TTC28: variants seen among roughly 807,000 people sequenced by gnomAD.
TTC28 encodes tetratricopeptide repeat domain 28.
A neutral mutation model predicts 198.0 loss-of-function variants in TTC28; 61 were observed. That is an observed-to-expected ratio of 0.31 (90% CI 0.25 to 0.38). TTC28 has a LOEUF of 0.38. Among genes scored for constraint, TTC28 ranks in the 10% least tolerant of loss-of-function variants. TTC28 has a pLI of 1.00. For synonymous variants in TTC28, 1,171 were observed against 1,297.8 expected, an observed-to-expected ratio of 0.90 and a Z score of 2.10; for missense variants, 2,678 against 3,164.0, an observed-to-expected ratio of 0.85 and a Z score of 3.69.
chr22:28,028,520 G>C (rs1938931913), intron 13 of TTC28, among the ~76,000 whole-genome samples: 1 of 152,164 alleles, frequency 6.6e-6, no homozygotes, highest in African/African-American at 2.4e-5. Flanking sequence ...GGTCCTGGGG[G>C]AACTGGTTCC....
chr22:28,301,688 G>A lies in TTC28; in HGVS notation c.530-3836C>T, dbSNP rs143847525. 1.4e-3 allele frequency among the ~76,000 whole-genome samples: 210 copies of A among 152,108 alleles called. 1 individual carries two copies. In the East Asian group the frequency reaches 0.017, roughly 12 times the overall value. ...TAAAGGGGCCTAAAAGAGCTCTTTC[G>A]GAAAACATAAAATAAAAATATGTGT... On this transcript the variant is annotated intron_variant, in intron 3 of 22. Coordinates refer to ENST00000397906, the MANE Select transcript of TTC28 (RefSeq NM_001145418.2).
chr22:28,524,594 G>A (rs903824199), intron 2 of TTC28, among the ~76,000 whole-genome samples: 8 of 151,984 alleles, frequency 5.3e-5, no homozygotes, highest in African/African-American at 1.9e-4. Context: ...TTGGCGAAAT[G>A]GTGAAAACCT....
chr22:28,288,135 C>A (rs1002691440), intron 5 of TTC28, among the ~76,000 whole-genome samples: 2 of 152,108 alleles, frequency 1.3e-5, no homozygotes, highest in African/African-American at 2.4e-5. Context: ...AAGGCACTAT[C>A]CCCATCAAGC....
intron 2 of TTC28, among the ~76,000 whole-genome samples, chr22:28,403,757 G>A (rs1350454535): frequency 1.3e-5 from 2 of 152,178 alleles, no homozygotes; most frequent in Non-Finnish European, 2.9e-5. Context: ...AGAGGCTATA[G>A]GAGAGTATTA....
Position 27,983,386 on chromosome 22 carries a change from CTCA to C in TTC28, c.6278_6280del (p.Met2093del). 1 of 1,551,290 alleles carries C rather than the reference CTCA, an allele frequency of 6.4e-7. No homozygotes were observed. Among genetic ancestry groups the C allele is most frequent in the South Asian group, 1.2e-5 (1 of 84,034 alleles). ...GCTCCCTTTGGAGCTCACCGAGACT[CTCA>C]TGCCTCCGGCTGTCCCAGGTTGGGG... is the stretch of plus-strand genomic sequence containing the variant. On this transcript the variant is annotated inframe_deletion, in exon 23 of 23. Coordinates refer to ENST00000397906, the MANE Select transcript of TTC28 (RefSeq NM_001145418.2).
At chr22:28,554,644 G>T (rs1472268059) in intron 2 of TTC28, among the ~76,000 whole-genome samples, 1 of 152,184 alleles carries the variant, frequency 6.6e-6, no homozygotes, top group East Asian at 1.9e-4. Context: ...GCTGAGGCAA[G>T]CAGATCACTT....
chr22:28,496,130 T>C (rs976601554), intron 2 of TTC28, among the ~76,000 whole-genome samples: 3 of 152,260 alleles, frequency 2.0e-5, no homozygotes, highest in African/African-American at 7.2e-5. Context: ...TTTCTTTTGC[T>C]GAATCCTCCT....
intron 2 of TTC28, among the ~76,000 whole-genome samples, chr22:28,333,782 G>T (rs958993620): frequency 2.0e-5 from 3 of 151,946 alleles, no homozygotes; most frequent in African/African-American, 7.3e-5. Flanking sequence ...TTAAATCAAA[G>T]TATTGTGGCA....
intron 2 of TTC28, among the ~76,000 whole-genome samples, chr22:28,514,687 G>C (rs752108472): frequency 2.0e-5 from 3 of 152,186 alleles, no homozygotes; most frequent in Non-Finnish European, 4.4e-5. Flanking sequence ...ACACATGCCT[G>C]TGCGCAGCAG....
At chr22:28,198,620 C>G (rs1925600444) in intron 5 of TTC28, among the ~76,000 whole-genome samples, 1 of 152,048 alleles carries the variant, frequency 6.6e-6, no homozygotes, top group Admixed American at 6.6e-5. Flanking sequence ...TCACTTAACA[C>G]ACAAAGAAAG....
At chr22:28,372,218 A>G (rs1320906089) in intron 2 of TTC28, among the ~76,000 whole-genome samples, 1 of 152,248 alleles carries the variant, frequency 6.6e-6, no homozygotes, top group East Asian at 1.9e-4. Context: ...AACAGCTACT[A>G]CTAAAAACAT....
intron 5 of TTC28, among the ~76,000 whole-genome samples, chr22:28,185,409 C>G (rs186769660): frequency 2.0e-5 from 3 of 152,230 alleles, no homozygotes; most frequent in East Asian, 3.9e-4. Flanking sequence ...TTATAACACT[C>G]TTTTTCCTAA....
intron 12 of TTC28, among the ~76,000 whole-genome samples, chr22:28,031,981 G>T (rs1432891624): frequency 6.6e-6 from 1 of 151,556 alleles, no homozygotes; most frequent in African/African-American, 2.4e-5. Flanking sequence ...TTGCCTTCAG[G>T]CTTGGACTTG....
At chr22:28,304,971 A>ATTTATTAT (rs374311864) in intron 3 of TTC28, among the ~76,000 whole-genome samples, 27 of 147,984 alleles carry the variant, frequency 1.8e-4, no homozygotes, top group Non-Finnish European at 3.3e-4. Context: ...TTGTTTATTT[A>ATTTATTAT]TTATTTATTT....
rs368118098 is a variant in TTC28, at chr22:28,662,484, T to C, written c.102+17138A>G. ...TACTACACTTGTCTCATATGTAAGA[T>C]GGGGATAATAGTGCCTACTTCATAA... On this transcript the variant is annotated intron_variant, in intron 1 of 22. Coordinates refer to ENST00000397906, the MANE Select transcript of TTC28 (RefSeq NM_001145418.2). 5.9e-5 allele frequency among the ~76,000 whole-genome samples: 9 copies of C among 152,304 alleles called. No individual in the cohort carries two copies. The East Asian group carries it at 1.5e-3, about 26-fold the overall frequency.
intron 5 of TTC28, among the ~76,000 whole-genome samples, chr22:28,185,733 A>T (rs955287738): frequency 1.3e-5 from 2 of 152,202 alleles, no homozygotes; most frequent in East Asian, 3.8e-4. Context: ...AGAGTCAATG[A>T]ATTATGATAT....
chr22:28,475,675 G>A (rs978091894), intron 2 of TTC28, among the ~76,000 whole-genome samples: 3 of 152,092 alleles, frequency 2.0e-5, no homozygotes, highest in Non-Finnish European at 2.9e-5. Flanking sequence ...TTGTAATTAA[G>A]GCAATGCCAA....
At chr22:28,189,233 T>C (rs1028566594) in intron 5 of TTC28, among the ~76,000 whole-genome samples, 2 of 152,086 alleles carry the variant, frequency 1.3e-5, no homozygotes, top group African/African-American at 4.8e-5. Flanking sequence ...TAACATACTA[T>C]AACCATGCAC....
chr22:28,275,348 C>A (rs1037419061), intron 5 of TTC28, among the ~76,000 whole-genome samples: 1 of 152,162 alleles, frequency 6.6e-6, no homozygotes, highest in Non-Finnish European at 1.5e-5. Context: ...AAGACCACTA[C>A]ATAGTTTGTG....
Sources: allele counts gnomAD v4.1 joint callset (sites outside exome capture counted in the v4.1 genomes callset), GRCh38; gene constraint gnomAD v4.1.1; transcripts MANE v1.5; gene names NCBI Gene and HGNC (gene_info 2026-07-23, HGNC 2026-07-21).